Variants in ESRRG observed in about 807,000 individuals in gnomAD.
ESRRG encodes the protein estrogen related receptor gamma, also known as estrogen-related receptor gamma.
In ESRRG, 13 loss-of-function variants were observed where a neutral mutation model predicts 44.0. That is an observed-to-expected ratio of 0.30 (90% CI 0.19 to 0.47). The LOEUF (loss-of-function observed/expected upper bound fraction) is 0.47. ESRRG is among the 20% of genes least tolerant of loss of function. ESRRG has a pLI of 1.00. For synonymous variants in ESRRG, 215 were observed against 214.6 expected (o/e 1.00, Z -0.02); for missense variants, 395 against 580.6 (o/e 0.68, Z 3.29).
chr1:216,751,833 T>TAC (rs1044643248), intron 2 of ESRRG, among the ~76,000 whole-genome samples: 2 of 151,662 alleles, frequency 1.3e-5, no homozygotes, highest in Non-Finnish European at 2.9e-5. Flanking sequence ...AGCTGATATA[T>TAC]ATATTTTTTT....
chr1:216,902,183 G>T (rs942419621), intron 2 of ESRRG, among the ~76,000 whole-genome samples: 15 of 152,134 alleles, frequency 9.9e-5, no homozygotes, highest in African/African-American at 3.6e-4. Context: ...AGTCCAGGTG[G>T]TTCTGACATT....
At chr1:216,766,741 G>A (rs2093098321) in intron 2 of ESRRG, among the ~76,000 whole-genome samples, 2 of 152,104 alleles carry the variant, frequency 1.3e-5, no homozygotes, top group Middle Eastern at 3.4e-3. Context: ...CCTATTGCCA[G>A]CATTTATATA....
chr1:216,692,474 G>A (rs1384443730), intron 1 of ESRRG, among the ~76,000 whole-genome samples: 1 of 152,110 alleles, frequency 6.6e-6, no homozygotes, highest in Admixed American at 6.5e-5. Context: ...TAAGTGTTAT[G>A]ATAAAAAGAG....
At chr1:217,049,408 C>T (rs1254651473) in intron 1 of ESRRG, among the ~76,000 whole-genome samples, 1 of 152,144 alleles carries the variant, frequency 6.6e-6, no homozygotes, top group Non-Finnish European at 1.5e-5. Context: ...TAATTGCTGA[C>T]TTATGAGATT....
chr1:216,830,937 G>A (rs2095477339), intron 2 of ESRRG, among the ~76,000 whole-genome samples: 1 of 152,018 alleles, frequency 6.6e-6, no homozygotes, highest in Non-Finnish European at 1.5e-5. Context: ...CCCAAGCCTG[G>A]GCGTGCTCTC....
At chr1:216,992,192 A>G (rs147913597) in intron 1 of ESRRG, among the ~76,000 whole-genome samples, 1 of 151,734 alleles carries the variant, frequency 6.6e-6, no homozygotes, top group East Asian at 1.9e-4. Context: ...CCAAGCTGTC[A>G]GTCTTTGTGA....
At chr1:216,732,128 AAAAG>A (rs935847726) in intron 2 of ESRRG, among the ~76,000 whole-genome samples, 8 of 144,786 alleles carry the variant, frequency 5.5e-5, no homozygotes, top group Admixed American at 1.4e-4. Context: ...GAAAATAAAA[AAAAG>A]AAAGGTTTTG....
At chr1:217,063,825 C>T (rs947464875) in intron 1 of ESRRG, among the ~76,000 whole-genome samples, 3 of 152,088 alleles carry the variant, frequency 2.0e-5, no homozygotes, top group African/African-American at 7.2e-5. Flanking sequence ...ATAAAATCTG[C>T]GTTTTAATGA....
intron 5 of ESRRG, among the ~76,000 whole-genome samples, chr1:216,563,552 A>T (rs1281901729): frequency 6.6e-6 from 1 of 152,228 alleles, no homozygotes; most frequent in Non-Finnish European, 1.5e-5. Flanking sequence ...ATTCAACTCC[A>T]AACAAATAAA....
At chr1:217,019,337 A>C (rs2079930930) in intron 1 of ESRRG, among the ~76,000 whole-genome samples, 1 of 152,142 alleles carries the variant, frequency 6.6e-6, no homozygotes, top group African/African-American at 2.4e-5. Flanking sequence ...CAGAGAGAGG[A>C]CTTAGGTCCA....
intron 5 of ESRRG, among the ~76,000 whole-genome samples, chr1:216,556,612 C>A (rs2057636662): frequency 6.6e-6 from 1 of 152,090 alleles, no homozygotes; most frequent in Admixed American, 6.6e-5. Flanking sequence ...ATTTGTTTTC[C>A]TTAGCATAAA....
In ESRRG at chr1:216,622,616, ACG is replaced by A. The variant is rs952341848; in HGVS notation, c.589+28355_589+28356del. On this transcript the variant is annotated intron_variant, in intron 3 of 6. Transcript: ENST00000408911. The stretch of plus-strand genomic sequence containing the variant: ...TGGAAAACAAATGAAAATTACACAC[ACG>A]CACACACACACACACACGCTTCCCA... 5.4e-4 allele frequency among the ~76,000 whole-genome samples: 81 copies of A among 150,726 alleles called. No homozygotes were observed. The South Asian group carries it at 6.3e-3, about 12-fold the overall frequency.
intron 1 of ESRRG, among the ~76,000 whole-genome samples, chr1:217,041,572 G>C (rs1164741244): frequency 6.6e-6 from 1 of 152,146 alleles, no homozygotes; most frequent in Non-Finnish European, 1.5e-5. Context: ...GATTTAAGGA[G>C]TACATTTTCC....
intron 2 of ESRRG, among the ~76,000 whole-genome samples, chr1:216,910,577 C>T (rs370389582): frequency 2.0e-5 from 3 of 152,124 alleles, no homozygotes; most frequent in African/African-American, 4.8e-5. Context: ...CAGGACTGGA[C>T]AGAGGATAAA....
intron 1 of ESRRG, among the ~76,000 whole-genome samples, chr1:217,056,773 A>G (rs2087188810): frequency 1.3e-5 from 2 of 151,644 alleles, no homozygotes; most frequent in South Asian, 4.2e-4. Context: ...ACTAGGAGAC[A>G]AAGTTTCCTC....
At chr1:217,023,169 A>AACAATGTGT (rs991624460) in intron 1 of ESRRG, among the ~76,000 whole-genome samples, 4 of 152,204 alleles carry the variant, frequency 2.6e-5, no homozygotes, top group African/African-American at 9.6e-5. Context: ...TTAAACAAAA[A>AACAATGTGT]ACAATGTGTC....
intron 2 of ESRRG, among the ~76,000 whole-genome samples, chr1:216,914,543 A>G (rs1205225372): frequency 6.6e-6 from 1 of 152,200 alleles, no homozygotes; most frequent in Admixed American, 6.5e-5. Flanking sequence ...TATGAAAAAA[A>G]AGACTTTGAC....
intron 2 of ESRRG, among the ~76,000 whole-genome samples, chr1:216,929,625 CA>C (rs1166518631): frequency 1.3e-5 from 2 of 152,110 alleles, no homozygotes; most frequent in Non-Finnish European, 2.9e-5. Flanking sequence ...AAAAAGAATG[CA>C]AGGCTTAGTG....
intron 1 of ESRRG, chr1:216,707,613 G>T: frequency 1.1e-6 from 1 of 931,850 alleles, no homozygotes; most frequent in Non-Finnish European, 1.5e-6. Context: ...TGGAGACTTA[G>T]GTATGAAAAA....
Sources: allele counts gnomAD v4.1 joint callset (sites outside exome capture counted in the v4.1 genomes callset), GRCh38; gene constraint gnomAD v4.1.1; transcripts MANE v1.5; gene names NCBI Gene and HGNC (gene_info 2026-07-23, HGNC 2026-07-21).